The following TMEM164 variants were observed in gnomAD, a reference collection of about 807,000 sequenced individuals.
The protein encoded by TMEM164 is RP13-360B22.2.
In TMEM164, 4 loss-of-function variants were observed where a neutral mutation model predicts 18.8. The observed-to-expected ratio is 0.21, with a 90% CI of 0.10 to 0.49. TMEM164 has a LOEUF of 0.49. TMEM164 is among the 20% of genes least tolerant of loss of function. The pLI, the probability that TMEM164 is intolerant of heterozygous loss-of-function variation, is 0.98. For missense variants in TMEM164, 108 were observed against 239.9 expected (o/e 0.45, Z 3.63); for synonymous variants, 86 against 101.7 (o/e 0.85, Z 0.93).
chrX:110,003,469 C>CTTT, intron 1 of TMEM164, 32 bp from the exon 2 acceptor site: 2 of 195,556 alleles, frequency 1.0e-5, no homozygotes, highest in Non-Finnish European at 1.8e-5. Flanking sequence ...TTTGAGACCT[C>CTTT]TTTTTTTTTT....
chrX:110,138,598 T>G (rs1457617981), intron 4 of TMEM164, among the ~76,000 whole-genome samples: 1 of 111,477 alleles, frequency 9.0e-6, no homozygotes, highest in Non-Finnish European at 1.9e-5. Context: ...GGAACGCCAT[T>G]GAGGTAGAGA....
chrX:110,019,286 CT>C (rs1933664919), intron 2 of TMEM164, among the ~76,000 whole-genome samples: 1 of 110,964 alleles, frequency 9.0e-6, no homozygotes, highest in Non-Finnish European at 1.9e-5. Flanking sequence ...CAATTCCACC[CT>C]CTTCCTCCTT....
chrX:110,014,644 C>G (rs1933204672), intron 2 of TMEM164, among the ~76,000 whole-genome samples: 1 of 106,014 alleles, frequency 9.4e-6, no homozygotes, highest in Non-Finnish European at 1.9e-5. Flanking sequence ...GATTGGTAGT[C>G]TAGGAAACCA....
At chrX:110,147,006 C>A (rs2066865801) in intron 5 of TMEM164, among the ~76,000 whole-genome samples, 1 of 112,323 alleles carries the variant, frequency 8.9e-6, no homozygotes, top group South Asian at 3.7e-4. Flanking sequence ...ATCTCCCATG[C>A]CCAGGAACCC....
intron 4 of TMEM164, among the ~76,000 whole-genome samples, chrX:110,136,190 A>G (rs761706988): frequency 4.5e-5 from 5 of 111,412 alleles, no homozygotes; most frequent in Admixed American, 9.5e-5. Context: ...TTCCTTAATG[A>G]CACCTTCTTA....
intron 5 of TMEM164, among the ~76,000 whole-genome samples, chrX:110,145,687 T>C (rs1435733474): frequency 8.9e-6 from 1 of 112,162 alleles, no homozygotes; most frequent in African/African-American, 3.2e-5. Flanking sequence ...AAGGGTTTCA[T>C]TTCTACCATA....
chrX:110,080,679 A>C (rs1270730278), intron 3 of TMEM164, among the ~76,000 whole-genome samples: 1 of 112,030 alleles, frequency 8.9e-6, no homozygotes, highest in Admixed American at 9.5e-5. Flanking sequence ...ATCACCTAGC[A>C]TAATTCCCTG....
chrX:110,043,182 G>A (rs1935170585), intron 2 of TMEM164, among the ~76,000 whole-genome samples: 1 of 112,629 alleles, frequency 8.9e-6, no homozygotes, highest in Non-Finnish European at 1.9e-5. Context: ...CCACCCTATG[G>A]TGTAGAATAA....
At chrX:110,077,196 A>T (rs756762079) in intron 3 of TMEM164, among the ~76,000 whole-genome samples, 2 of 112,029 alleles carry the variant, frequency 1.8e-5, no homozygotes, top group Non-Finnish European at 3.8e-5. Flanking sequence ...TGAAGCCTTT[A>T]CCATTATGTA....
chrX:110,019,450 A>G (rs764313767), intron 2 of TMEM164, among the ~76,000 whole-genome samples: 2 of 110,956 alleles, frequency 1.8e-5, no homozygotes, highest in South Asian at 7.6e-4. Context: ...CTTGTGATTG[A>G]TCTTCTCTCC....
chrX:110,135,523 A>G (rs1212310774), intron 4 of TMEM164, among the ~76,000 whole-genome samples: 1 of 112,033 alleles, frequency 8.9e-6, no homozygotes, highest in Non-Finnish European at 1.9e-5. Flanking sequence ...TTACTGAGTC[A>G]AACTGAATGG....
In TMEM164 at chrX:110,063,530, G is replaced by C. The variant is rs146336823; in HGVS notation, c.391-3817G>C. On this transcript the variant is annotated intron_variant, in intron 2 of 6. Coordinates refer to ENST00000372068, the MANE Select transcript of TMEM164 (RefSeq NM_032227.4). The stretch of plus-strand genomic sequence containing the variant: ...GGAACCAGAGAGGTTCGCAGGTAGA[G>C]GATGAACTGGGATAACAGCTGATGC... Among the ~76,000 whole-genome samples, 39 of 111,279 alleles carry C rather than the reference G, an allele frequency of 3.5e-4. No individual in the cohort carries two copies. In the East Asian group the frequency reaches 0.011, roughly 32 times the overall value.
intron 2 of TMEM164, among the ~76,000 whole-genome samples, chrX:110,021,347 G>A (rs1197209208): frequency 9.0e-6 from 1 of 111,310 alleles, no homozygotes; most frequent in Non-Finnish European, 1.9e-5. Context: ...TGTGTGGCTG[G>A]TGGGGGTGAG....
At chrX:110,050,583 A>G (rs1935513560) in intron 2 of TMEM164, among the ~76,000 whole-genome samples, 1 of 111,423 alleles carries the variant, frequency 9.0e-6, no homozygotes, top group Admixed American at 9.5e-5. Context: ...CCTTTTATCC[A>G]TCTCAGTGCT....
chrX:110,024,920 T>C (rs1934110043), intron 2 of TMEM164, among the ~76,000 whole-genome samples: 1 of 112,010 alleles, frequency 8.9e-6, no homozygotes, highest in Admixed American at 9.5e-5. Context: ...ACTAGGTTAA[T>C]AATCTACAAA....
In TMEM164 at chrX:110,176,139, A is replaced by T; in HGVS notation, c.*2688A>T. The T allele has an allele frequency of 9.3e-6, 7 of 756,740 alleles. No homozygotes were observed. Among genetic ancestry groups the T allele is most frequent in the Non-Finnish European group, 1.1e-5 (7 of 639,654 alleles). The allele number at this position is 756,740 out of a possible 1,213,427, so 62.4% of individuals were successfully genotyped here. ...GCGTGTGTGAGGGTGTTTGTAGAAG[A>T]GGGCAGTTTCCTTTCAAATGGCCTT... On this transcript the variant is annotated 3_prime_UTR_variant, in exon 7 of 7. Coordinates refer to ENST00000372068, the MANE Select transcript of TMEM164 (RefSeq NM_032227.4).
chrX:110,011,968 C>T (rs138185949), intron 2 of TMEM164, among the ~76,000 whole-genome samples: 4 of 112,114 alleles, frequency 3.6e-5, no homozygotes, highest in Non-Finnish European at 1.9e-5. Context: ...CATTTCTAGG[C>T]TGTTGATAAA....
At chrX:110,125,089 C>T (rs1302647826) in intron 4 of TMEM164, among the ~76,000 whole-genome samples, 2 of 112,147 alleles carry the variant, frequency 1.8e-5, no homozygotes, top group Non-Finnish European at 3.8e-5. Flanking sequence ...TGTCTCAGAG[C>T]CTGTTTTACA....
chrX:110,015,997 A>T (rs1933342418), intron 2 of TMEM164, among the ~76,000 whole-genome samples: 1 of 112,493 alleles, frequency 8.9e-6, no homozygotes, highest in African/African-American at 3.2e-5. Context: ...CATCGGAGTC[A>T]GGGGTGGCCT....
Sources: gnomAD v4.1 joint callset for allele counts (sites outside exome capture counted in the v4.1 genomes callset) on GRCh38, gnomAD v4.1.1 for gene constraint, MANE v1.5 for transcripts, NCBI Gene and HGNC (gene_info 2026-07-23, HGNC 2026-07-21) for gene names.